The following TSHZ3 variants were observed in gnomAD, a reference collection of about 807,000 sequenced individuals.
The protein encoded by TSHZ3 is teashirt homolog 3.
TSHZ3 carries 10 observed loss-of-function variants against 64.5 expected under a neutral mutation model. That is an observed-to-expected ratio of 0.16 (90% confidence interval 0.10 to 0.26). The LOEUF is 0.26. Ranked by LOEUF, TSHZ3 falls within the 10% of genes least tolerant of loss-of-function variation. The pLI, the probability that TSHZ3 is intolerant of heterozygous loss-of-function variation, is 1.00. For synonymous variants in TSHZ3, 608 were observed against 593.1 expected (o/e 1.03, Z -0.36); for missense variants, 1,242 against 1,421.7 (o/e 0.87, Z 2.03).
intron 5 of TSHZ3, among the ~76,000 whole-genome samples, chr19:31,187,226 A>T (rs1205154737): frequency 6.6e-6 from 1 of 152,160 alleles, no homozygotes; most frequent in Non-Finnish European, 1.5e-5. Context: ...AGTTTTTTTA[A>T]AAAATAAATA....
intron 4 of TSHZ3, among the ~76,000 whole-genome samples, chr19:31,220,963 T>G (rs964773896): frequency 6.6e-6 from 1 of 152,198 alleles, no homozygotes; most frequent in African/African-American, 2.4e-5. Context: ...AGTAGTTACA[T>G]AAGAACAGCA....
chr19:31,342,519 AT>A (rs2145198951), intron 1 of TSHZ3, among the ~76,000 whole-genome samples: 1 of 152,346 alleles, frequency 6.6e-6, no homozygotes, highest in East Asian at 1.9e-4. Flanking sequence ...TGCAAAATAA[AT>A]TCACTCAAGG....
intron 4 of TSHZ3, among the ~76,000 whole-genome samples, chr19:31,222,353 G>A (rs1347022265): frequency 6.6e-6 from 1 of 152,216 alleles, no homozygotes; most frequent in Non-Finnish European, 1.5e-5. Flanking sequence ...CATGTGACCA[G>A]ATGTTATTTT....
chr19:31,168,726 C>A (rs961668652), intron 5 of TSHZ3, among the ~76,000 whole-genome samples: 7 of 152,160 alleles, frequency 4.6e-5, no homozygotes, highest in Non-Finnish European at 8.8e-5. Flanking sequence ...GTCTTTCATT[C>A]CCCTCTGTGC....
chr19:31,226,557 CTCAGGTATGTCTTTA>C (rs1975464444), intron 4 of TSHZ3, among the ~76,000 whole-genome samples: 1 of 152,188 alleles, frequency 6.6e-6, no homozygotes, highest in Non-Finnish European at 1.5e-5. Context: ...ATTACCCAGT[CTCAGGTATGTCTTTA>C]TCAGCAGCGT....
Position 31,349,323 on chromosome 19 carries a change from T to A in TSHZ3, c.-104A>T. 1 of 1,158,420 alleles carries A rather than the reference T, an allele frequency of 8.6e-7. No homozygotes were observed. Among genetic ancestry groups the A allele is most frequent in the Non-Finnish European group, 1.1e-6 (1 of 873,108 alleles). 71.8% of individuals were successfully genotyped at this position (1,158,420 alleles called of 1,614,324 possible). Reference sequence around the variant, plus strand: ...CCGCGGGGGGGCGAGGCGGGCCTGCTCTCAGCCTCCCCCCCGGAGAGCGGC... The same window carrying A: ...CCGCGGGGGGGCGAGGCGGGCCTGCACTCAGCCTCCCCCCCGGAGAGCGGC... On this transcript the variant is annotated 5_prime_UTR_variant, in exon 1 of 2. Coordinates refer to ENST00000240587, the MANE Select transcript of TSHZ3 (RefSeq NM_020856.4).
In TSHZ3 at chr19:31,277,720, G is replaced by C. The variant is rs1183231188; in HGVS notation, c.2073C>G (p.Gly691=). 6.6e-7 allele frequency: 1 copy of C among 1,522,998 alleles called. No homozygotes were observed. Among genetic ancestry groups the C allele is most frequent in the Non-Finnish European group, 8.8e-7 (1 of 1,137,752 alleles). 94.3% of individuals were successfully genotyped at this position (1,522,998 alleles called of 1,614,324 possible). Residue 691 remains glycine (G), a synonymous_variant, in exon 2 of 2, where the codon GGC becomes GGG. Transcript: ENST00000240587. The surrounding 1 kb of genome is among the most constrained non-coding windows in gnomAD (Gnocchi z 4.5). Reference sequence around the variant, plus strand: ...TGGCTAGGGGCTTCACCAGCTCCTTGCCATTCTCCACCGGCTCAGCGAGGG... The same window carrying C: ...TGGCTAGGGGCTTCACCAGCTCCTTCCCATTCTCCACCGGCTCAGCGAGGG... ...GSPLAEPVEN[G]KELVKPLASS...
In TSHZ3 at chr19:31,226,977, C is replaced by CTT. The variant is rs3030229; in HGVS notation, n.686+1026_686+1027dup. Among the ~76,000 whole-genome samples the CTT allele has an allele frequency of 9.4e-3, 616 of 65,666 alleles. 33 individuals are homozygous for CTT. The highest frequency in any genetic ancestry group is 0.037 in the East Asian group (86 of 2,304). The allele number at this position is 65,666 out of a possible 152,430, so 43.1% of individuals were successfully genotyped here. On this transcript the variant is annotated intron_variant and non_coding_transcript_variant, in intron 4 of 6. Coordinates refer to the TSHZ3 transcript ENST00000651361. ...TTTTCTTCTCTTTCTTTCTTTCTTT[C>CTT]TTTTTTTTTTTTTTTTTTTGAGATG...
chr19:31,189,154 C>T (rs1974863216), intron 5 of TSHZ3, among the ~76,000 whole-genome samples: 1 of 151,814 alleles, frequency 6.6e-6, no homozygotes, highest in African/African-American at 2.4e-5. Context: ...TGTGTTTCCC[C>T]TCTTCTGTTT....
chr19:31,307,193 A>G (rs1368720398), intron 1 of TSHZ3, among the ~76,000 whole-genome samples: 3 of 152,174 alleles, frequency 2.0e-5, no homozygotes, highest in South Asian at 4.1e-4. Flanking sequence ...ACCCGTTTCT[A>G]TATGTGCAGA....
chr19:31,343,577 A>G (rs1917497285), intron 1 of TSHZ3, among the ~76,000 whole-genome samples: 1 of 152,114 alleles, frequency 6.6e-6, no homozygotes, highest in Non-Finnish European at 1.5e-5. Context: ...AGAGTATGAC[A>G]GTTGTTCAGG....
intron 1 of TSHZ3, among the ~76,000 whole-genome samples, chr19:31,319,707 C>T (rs76091862): frequency 8.5e-4 from 129 of 152,178 alleles, no homozygotes; most frequent in South Asian, 1.7e-3. Context: ...ACCATGACAA[C>T]GGTAATCACA....
intron 1 of TSHZ3, among the ~76,000 whole-genome samples, chr19:31,329,168 G>GT (rs1451587230): frequency 2.0e-5 from 3 of 152,228 alleles, no homozygotes; most frequent in Non-Finnish European, 2.9e-5. Flanking sequence ...AAAATGTGAA[G>GT]TTGAAATAAG....
intron 3 of TSHZ3, among the ~76,000 whole-genome samples, chr19:31,230,723 G>A (rs923548223): frequency 1.1e-4 from 14 of 129,538 alleles, no homozygotes; most frequent in East Asian, 2.2e-4. Context: ...TTTTTGAGAC[G>A]GAGTCTTGCT....
chr19:31,341,836 A>T (rs2145198006), intron 1 of TSHZ3, among the ~76,000 whole-genome samples: 1 of 152,316 alleles, frequency 6.6e-6, no homozygotes, highest in East Asian at 1.9e-4. Context: ...CTCAGAAGAC[A>T]ATGGTCACCT....
chr19:31,330,438 A>G (rs555162219), intron 1 of TSHZ3, among the ~76,000 whole-genome samples: 2 of 152,284 alleles, frequency 1.3e-5, no homozygotes, highest in Admixed American at 6.5e-5. Flanking sequence ...ACGGCTCCCA[A>G]TGCCCGAGCT....
chr19:31,284,694 T>G (rs1215253708), intron 1 of TSHZ3, among the ~76,000 whole-genome samples: 3 of 152,190 alleles, frequency 2.0e-5, no homozygotes, highest in Admixed American at 2.0e-4. Context: ...AGCAGGGTTT[T>G]GACCCCAGCT....
At chr19:31,339,323 T>A (rs962343827) in intron 1 of TSHZ3, among the ~76,000 whole-genome samples, 2 of 151,796 alleles carry the variant, frequency 1.3e-5, no homozygotes, top group African/African-American at 2.4e-5. Flanking sequence ...GCAGATAATA[T>A]GAATGAGCAT....
intron 5 of TSHZ3, among the ~76,000 whole-genome samples, chr19:31,191,764 T>C (rs1974911895): frequency 6.6e-6 from 1 of 151,694 alleles, no homozygotes; most frequent in African/African-American, 2.4e-5. Context: ...GAGGCTGAGG[T>C]GGGAGGATTG....
Sources: allele counts gnomAD v4.1 joint callset (sites outside exome capture counted in the v4.1 genomes callset), GRCh38; gene constraint gnomAD v4.1.1; non-coding constraint Gnocchi (gnomAD v3.1); transcripts MANE v1.5; gene names NCBI Gene and HGNC (gene_info 2026-07-23, HGNC 2026-07-21).